SLC8A1: variants seen among roughly 807,000 people sequenced by gnomAD.
SLC8A1 encodes the protein solute carrier family 8 member A1, also known as sodium/calcium exchanger 1.
In SLC8A1, 18 loss-of-function variants were observed where a neutral mutation model predicts 68.3. That is an observed-to-expected ratio of 0.26 (90% CI 0.18 to 0.39). SLC8A1 has a LOEUF of 0.39. Ranked by LOEUF, SLC8A1 falls within the 10% of genes least tolerant of loss-of-function variation. SLC8A1 has a pLI of 1.00. For synonymous variants in SLC8A1, 475 were observed against 415.5 expected, an observed-to-expected ratio of 1.14 and a Z score of -1.74; for missense variants, 985 against 1,156.7, an observed-to-expected ratio of 0.85 and a Z score of 2.15.
chr2:40,193,576 T>C (rs1446334057), intron 2 of SLC8A1, among the ~76,000 whole-genome samples: 1 of 152,012 alleles, frequency 6.6e-6, no homozygotes. Flanking sequence ...ATGTAAGTGG[T>C]AGAGGGTTGA....
At chr2:40,497,963 T>G (rs1029028072) in intron 1 of SLC8A1, among the ~76,000 whole-genome samples, 1 of 151,988 alleles carries the variant, frequency 6.6e-6, no homozygotes, top group Non-Finnish European at 1.5e-5. Context: ...CAATAACTTA[T>G]GTAATATAAG....
At chr2:40,172,390 G>A (rs917192623) in intron 4 of SLC8A1, among the ~76,000 whole-genome samples, 3 of 152,196 alleles carry the variant, frequency 2.0e-5, no homozygotes, top group East Asian at 3.9e-4. Flanking sequence ...GATGGTAATA[G>A]GAAACTGCCA....
intron 1 of SLC8A1, among the ~76,000 whole-genome samples, chr2:40,503,800 T>A (rs1706194473): frequency 1.3e-5 from 2 of 151,928 alleles, no homozygotes; most frequent in Non-Finnish European, 2.9e-5. Context: ...TGAAAGGAAT[T>A]GAAGAGGACA....
chr2:40,256,911 G>C (rs756485126), intron 2 of SLC8A1, among the ~76,000 whole-genome samples: 8 of 152,156 alleles, frequency 5.3e-5, no homozygotes, highest in Non-Finnish European at 1.2e-4. Context: ...TGAGAGGGGA[G>C]AATGTTGCTT....
chr2:40,338,619 A>C (rs927700722), intron 2 of SLC8A1, among the ~76,000 whole-genome samples: 3 of 152,198 alleles, frequency 2.0e-5, no homozygotes, highest in African/African-American at 7.2e-5. Flanking sequence ...TACTGAGACT[A>C]AGCAAAATCA....
intron 2 of SLC8A1, among the ~76,000 whole-genome samples, chr2:40,357,498 A>T (rs897072324): frequency 3.3e-5 from 1 of 30,308 alleles, no homozygotes; most frequent in African/African-American, 9.4e-5. Flanking sequence ...CCCTGTCTTT[A>T]AAAAAAAAAA....
intron 2 of SLC8A1, chr2:40,178,424 A>C (rs1182272492): frequency 6.2e-7 from 1 of 1,613,992 alleles, no homozygotes; most frequent in East Asian, 2.2e-5. Context: ...GGGGCTCTCC[A>C]ATCTCAAGGA....
At chr2:40,212,473 C>T (rs1482585601) in intron 2 of SLC8A1, among the ~76,000 whole-genome samples, 2 of 151,830 alleles carry the variant, frequency 1.3e-5, no homozygotes, top group East Asian at 3.9e-4. Context: ...TTAGTAGAGA[C>T]GGGGCTTCGC....
intron 2 of SLC8A1, among the ~76,000 whole-genome samples, chr2:40,324,827 C>T (rs1559246605): frequency 6.6e-6 from 1 of 152,154 alleles, no homozygotes; most frequent in Non-Finnish European, 1.5e-5. Flanking sequence ...GTCGCAGTAG[C>T]ATGTTTTGCT....
intron 6 of SLC8A1, among the ~76,000 whole-genome samples, chr2:40,145,398 T>A (rs146945227): frequency 6.6e-6 from 1 of 152,290 alleles, no homozygotes; most frequent in Non-Finnish European, 1.5e-5. Flanking sequence ...TCATCACCCT[T>A]GAATTTGGGA....
At chr2:40,378,819 G>A (rs1248027112) in intron 2 of SLC8A1, among the ~76,000 whole-genome samples, 1 of 152,034 alleles carries the variant, frequency 6.6e-6, no homozygotes, top group Non-Finnish European at 1.5e-5. Context: ...AAATGGCCTT[G>A]CCCCTCATTT....
intron 1 of SLC8A1, among the ~76,000 whole-genome samples, chr2:40,449,395 T>C (rs994853971): frequency 3.3e-5 from 5 of 152,174 alleles, no homozygotes; most frequent in African/African-American, 1.2e-4. Context: ...AAAGTCTATA[T>C]TTGCCTGGCA....
chr2:40,318,599 C>T (rs1212649380), intron 2 of SLC8A1, among the ~76,000 whole-genome samples: 2 of 152,082 alleles, frequency 1.3e-5, no homozygotes, highest in Non-Finnish European at 2.9e-5. Context: ...TACAAACTGC[C>T]TCCAACCATA....
intron 2 of SLC8A1, among the ~76,000 whole-genome samples, chr2:40,391,216 A>ATG (rs1185123701): frequency 1.3e-5 from 2 of 151,584 alleles, no homozygotes; most frequent in South Asian, 2.1e-4. Flanking sequence ...GTCTGTGTGT[A>ATG]TGTGTGTGTG....
At chr2:40,194,506 TGC>T (rs111376875) in intron 2 of SLC8A1, among the ~76,000 whole-genome samples, 16,185 of 131,788 alleles carry the variant, frequency 0.12, 951 homozygotes, top group Middle Eastern at 0.16. Flanking sequence ...TGTGTGTGTG[TGC>T]GCGCGCAAAG....
chr2:40,279,494 T>C (rs1159936548), intron 2 of SLC8A1, among the ~76,000 whole-genome samples: 1 of 152,196 alleles, frequency 6.6e-6, no homozygotes, highest in Non-Finnish European at 1.5e-5. Context: ...TTTGGGGCAC[T>C]GTGACATCTG....
At chr2:40,491,799 T>C (rs1465629901) in intron 1 of SLC8A1, among the ~76,000 whole-genome samples, 3 of 152,116 alleles carry the variant, frequency 2.0e-5, no homozygotes, top group Non-Finnish European at 4.4e-5. Flanking sequence ...TTTGCATATA[T>C]TGAACCAGCC....
At chr2:40,300,590 C>A (rs181921108) in intron 2 of SLC8A1, among the ~76,000 whole-genome samples, 6 of 152,154 alleles carry the variant, frequency 3.9e-5, no homozygotes, top group African/African-American at 1.4e-4. Context: ...CTTCTGACCC[C>A]AGGAATTCTC....
chr2:40,159,496 T>A (rs2045270655), intron 6 of SLC8A1, among the ~76,000 whole-genome samples: 1 of 152,242 alleles, frequency 6.6e-6, no homozygotes, highest in Non-Finnish European at 1.5e-5. Flanking sequence ...AAGAGTTTGT[T>A]CATTTTTAAT....
Sources: allele counts gnomAD v4.1 joint callset (sites outside exome capture counted in the v4.1 genomes callset), GRCh38; gene constraint gnomAD v4.1.1; transcripts MANE v1.5; gene names NCBI Gene and HGNC (gene_info 2026-07-23, HGNC 2026-07-21).